The following GPLD1 variants were observed in gnomAD, a reference collection of about 807,000 sequenced individuals.
The protein encoded by GPLD1 is phosphatidylinositol-glycan-specific phospholipase D.
In GPLD1, 84 loss-of-function variants were observed where a neutral mutation model predicts 112.6. The observed-to-expected ratio is 0.75, with a 90% CI of 0.63 to 0.89. The LOEUF (loss-of-function observed/expected upper bound fraction) is 0.89. GPLD1 is among the 40% of genes least tolerant of loss of function. The pLI is 0.00. For synonymous variants in GPLD1, 386 were observed against 403.8 expected, an observed-to-expected ratio of 0.96 and a Z score of 0.53; for missense variants, 1,044 against 1,051.5, an observed-to-expected ratio of 0.99 and a Z score of 0.10.
At chr6:24,424,583 G>C (rs1762165028), downstream of GPLD1, 3 of 152,104 alleles carry the variant, frequency 2.0e-5, no homozygotes, top group Admixed American at 2.0e-4. Context: ...ACAGAGATTT[G>C]GGTTTAAAAC....
intron 2 of GPLD1, among the ~76,000 whole-genome samples, chr6:24,484,923 T>C (rs1323476531): frequency 6.6e-6 from 1 of 152,218 alleles, no homozygotes; most frequent in African/African-American, 2.4e-5. Context: ...AATTCTGATG[T>C]CAGAAGGGAA....
At chr6:24,493,134 G>A (rs1045969957), upstream of GPLD1, among the ~76,000 whole-genome samples, 1 of 152,108 alleles carries the variant, frequency 6.6e-6, no homozygotes, top group Non-Finnish European at 1.5e-5. Context: ...AAGAGAGGCA[G>A]CCACAATTAA....
upstream of GPLD1, among the ~76,000 whole-genome samples, chr6:24,491,369 T>C (rs1249635641): frequency 6.6e-6 from 1 of 152,072 alleles, no homozygotes; most frequent in Non-Finnish European, 1.5e-5. Context: ...TATCTAACCA[T>C]ATATAATACA....
At chr6:24,474,605 C>G (rs1324227061) in intron 5 of GPLD1, among the ~76,000 whole-genome samples, 1 of 152,152 alleles carries the variant, frequency 6.6e-6, no homozygotes, top group Non-Finnish European at 1.5e-5. Flanking sequence ...ATTAGCCACT[C>G]TGCTCTTGTG....
At chr6:24,475,564 G>A (rs1763983240) in intron 4 of GPLD1, among the ~76,000 whole-genome samples, 1 of 146,318 alleles carries the variant, frequency 6.8e-6, no homozygotes, top group African/African-American at 2.5e-5. Context: ...CCACACACAG[G>A]CCGGGCGCAG....
intron 2 of GPLD1, among the ~76,000 whole-genome samples, chr6:24,483,527 A>G (rs551182966): frequency 1.3e-5 from 2 of 151,342 alleles, no homozygotes; most frequent in East Asian, 2.0e-4. Context: ...GAAAATATAA[A>G]AATTAGCCGG....
rs765841873 is a variant in GPLD1 at position 24,456,618 on chromosome 6, T to C, written c.1028A>G (p.Tyr343Cys). ...SWTPDSMSFIYKALERNIRTM... is the reference protein window; with the variant it reads ...SWTPDSMSFICKALERNIRTM... Reference sequence around the variant, plus strand: ...CCTTATGTTCCTTTCCAAAGCCTTGTAGATAAAGGACATGGAATCCTGAAA... The same window carrying C: ...CCTTATGTTCCTTTCCAAAGCCTTGCAGATAAAGGACATGGAATCCTGAAA... Residue 343 changes from tyrosine to cysteine, a missense_variant, in exon 13 of 25, where the codon TAC becomes TGC. Transcript: ENST00000230036. The C allele has an allele frequency of 8.1e-6, 13 of 1,602,492 alleles. No individual in the cohort carries two copies. Among genetic ancestry groups the C allele is most frequent in the East Asian group, 4.5e-5 (2 of 44,810 alleles).
In GPLD1 at chr6:24,448,164, A is replaced by G. The variant is rs1015957972; in HGVS notation, c.1491T>C (p.Ser497=). 6.2e-7 allele frequency: 1 copy of G among 1,611,340 alleles called. No homozygotes were observed. The highest frequency in any genetic ancestry group is 1.7e-5 in the Admixed American group (1 of 59,518). ...AAGAAATGGTGATGTTAGGGGAAGAAGACATTCCTCCTTGTTTGGAACCAA... is the reference window on the plus strand; with the variant it reads ...AAGAAATGGTGATGTTAGGGGAAGAGGACATTCCTCCTTGTTTGGAACCAA... ...VYFGSKQGGM[S]SSPNITISCQ... is the part of the protein sequence containing the mutation. Residue 497 remains serine (S), a synonymous_variant, in exon 16 of 25, where the codon TCT becomes TCC. Coordinates refer to ENST00000230036, the MANE Select transcript of GPLD1 (RefSeq NM_001503.4).
At chr6:24,432,802 C>T (rs1460782359) in intron 24 of GPLD1, among the ~76,000 whole-genome samples, 2 of 152,222 alleles carry the variant, frequency 1.3e-5, no homozygotes, top group Non-Finnish European at 2.9e-5. Flanking sequence ...GCGCAGTCCA[C>T]AGCAGACGAG....
intron 3 of GPLD1, among the ~76,000 whole-genome samples, chr6:24,477,588 G>C (rs1186200430): frequency 6.6e-6 from 1 of 151,862 alleles, no homozygotes; most frequent in Non-Finnish European, 1.5e-5. Flanking sequence ...AAAGTAGCCA[G>C]GTATGGTGGT....
At chr6:24,433,764 G>T (rs1762483834) in intron 22 of GPLD1, among the ~76,000 whole-genome samples, 1 of 151,800 alleles carries the variant, frequency 6.6e-6, no homozygotes, top group African/African-American at 2.4e-5. Context: ...CAAAGTGCTG[G>T]GATTACAGGC....
At chr6:24,492,049 C>T (rs1581797270), upstream of GPLD1, among the ~76,000 whole-genome samples, 1 of 152,084 alleles carries the variant, frequency 6.6e-6, no homozygotes, top group Non-Finnish European at 1.5e-5. Context: ...ATATAGGTGG[C>T]TTTGTTATAA....
chr6:24,449,967 A>G, intron 14 of GPLD1, 68 bp from the exon 15 acceptor site: 1 of 1,122,038 alleles, frequency 8.9e-7, no homozygotes. Context: ...CCTGACCCCC[A>G]GGGAGTAGAG....
chr6:24,439,973 G>T (rs531422821), intron 20 of GPLD1, among the ~76,000 whole-genome samples: 38 of 152,044 alleles, frequency 2.5e-4, no homozygotes, highest in Admixed American at 3.9e-4. Flanking sequence ...GGGATGCAGG[G>T]GTGGTGGGTA....
intron 14 of GPLD1, among the ~76,000 whole-genome samples, chr6:24,451,847 G>T (rs918589035): frequency 6.6e-6 from 1 of 152,210 alleles, no homozygotes; most frequent in Non-Finnish European, 1.5e-5. Context: ...CACAAAACAC[G>T]CTAGGGCAGG....
At position 24,475,150 on chromosome 6, in the gene GPLD1, C is replaced by A. The variant is rs989787982; in HGVS notation, c.412G>T (p.Glu138Ter). ...ADVSWHSLGL[E>*]QGFLRTMGAI... is the part of the protein sequence containing the mutation. ...CCCATGGTCCTAAGGAATCCTTGTT[C>A]AAGGCCCAGACTATGCCAGCTGACA... Residue 138 changes from glutamate to a stop codon, truncating the protein, a stop_gained, in exon 5 of 25, where the codon GAA becomes TAA. Coordinates refer to ENST00000230036, the MANE Select transcript of GPLD1 (RefSeq NM_001503.4). LOFTEE classifies it high-confidence loss of function. 6.2e-7 allele frequency: 1 copy of A among 1,606,840 alleles called. No homozygotes were observed. Among genetic ancestry groups the A allele is most frequent in the African/African-American group, 1.3e-5 (1 of 74,730 alleles).
In GPLD1 at chr6:24,445,644, G is replaced by A. The variant is rs377512766; in HGVS notation, c.1927-5C>T. 1.2e-5 allele frequency: 20 copies of A among 1,610,438 alleles called. No individual in the cohort carries two copies. Among genetic ancestry groups the A allele is most frequent in the African/African-American group, 2.7e-5 (2 of 74,844 alleles). ...AGTACCCAGTTTCCCCATTGCCTGT[G>A]AGACACAATAAATCAATATTGTATA... On this transcript the variant is annotated splice_polypyrimidine_tract_variant and splice_region_variant and intron_variant, in intron 19 of 24. Transcript: ENST00000230036.
chr6:24,470,150 G>T (rs1363682861), intron 7 of GPLD1, among the ~76,000 whole-genome samples: 4 of 151,476 alleles, frequency 2.6e-5, no homozygotes, highest in Non-Finnish European at 4.4e-5. Context: ...GTTTTTTTGA[G>T]ATGGAGTTGG....
intron 22 of GPLD1, 43 bp from the exon 23 acceptor site, chr6:24,433,432 T>A (rs748429127): frequency 2.4e-5 from 34 of 1,408,614 alleles, no homozygotes; most frequent in Non-Finnish European, 3.2e-5. Context: ...TATTACTGTT[T>A]GTGTGGCTTT....
Sources: gnomAD v4.1 joint callset for allele counts (sites outside exome capture counted in the v4.1 genomes callset) on GRCh38, gnomAD v4.1.1 for gene constraint, MANE v1.5 for transcripts, NCBI Gene and HGNC (gene_info 2026-07-23, HGNC 2026-07-21) for gene names.